The following OSBPL6 variants were observed in gnomAD, a reference collection of about 807,000 sequenced individuals.
OSBPL6 encodes oxysterol-binding protein-related protein 6.
Under a neutral mutation model 125.8 loss-of-function variants are expected in OSBPL6, and 49 were observed. The observed-to-expected ratio is 0.39, with a 90% CI of 0.31 to 0.49. The LOEUF is 0.49. Ranked by LOEUF, OSBPL6 falls within the 20% of genes least tolerant of loss-of-function variation. The pLI is 0.88. For synonymous variants in OSBPL6, 394 were observed against 391.8 expected, an observed-to-expected ratio of 1.01 and a Z score of -0.07; for missense variants, 986 against 1,135.4, an observed-to-expected ratio of 0.87 and a Z score of 1.89.
chr2:178,274,026 C>T (rs2092421798), intron 1 of OSBPL6, among the ~76,000 whole-genome samples: 1 of 152,120 alleles, frequency 6.6e-6, no homozygotes, highest in African/African-American at 2.4e-5. Flanking sequence ...TTACATTGGG[C>T]ACGTGGTAAG....
chr2:178,355,156 C>A (rs188554689), intron 12 of OSBPL6, among the ~76,000 whole-genome samples: 1 of 152,064 alleles, frequency 6.6e-6, no homozygotes. Flanking sequence ...AACCAACACC[C>A]TAACATCACA....
At chr2:178,378,571 A>T (rs1694107115) in intron 15 of OSBPL6, among the ~76,000 whole-genome samples, 3 of 152,204 alleles carry the variant, frequency 2.0e-5, no homozygotes, top group Admixed American at 2.0e-4. Context: ...GCCTGGTCAC[A>T]TTTAGGAAAA....
Position 178,394,455 on chromosome 2 carries a change from T to G in OSBPL6, c.2696+20T>G. On this transcript the variant is annotated intron_variant, in intron 24 of 24. Transcript: ENST00000190611. Reference sequence around the variant, plus strand: ...TTTTAAGTAAGTCAGTTAACTCCCATAGCAAGTTCATGTTTTGCAAATGGT... The same window carrying G: ...TTTTAAGTAAGTCAGTTAACTCCCAGAGCAAGTTCATGTTTTGCAAATGGT... 6.3e-7 allele frequency: 1 copy of G among 1,589,090 alleles called. No homozygotes were observed. The highest frequency in any genetic ancestry group is 8.5e-7 in the Non-Finnish European group (1 of 1,171,460).
At chr2:178,274,305 C>T (rs755169785) in intron 1 of OSBPL6, among the ~76,000 whole-genome samples, 1 of 146,470 alleles carries the variant, frequency 6.8e-6, no homozygotes, top group Middle Eastern at 3.5e-3. Context: ...TGGGCGAGGT[C>T]AATTTTTTTT....
chr2:178,348,751 G>T (rs1437775122), intron 11 of OSBPL6, among the ~76,000 whole-genome samples: 2 of 152,156 alleles, frequency 1.3e-5, no homozygotes, highest in Non-Finnish European at 2.9e-5. Flanking sequence ...AGCCTGATTT[G>T]TTTTTTATTT....
At chr2:178,293,762 A>C (rs188668113) in intron 2 of OSBPL6, among the ~76,000 whole-genome samples, 26 of 152,068 alleles carry the variant, frequency 1.7e-4, no homozygotes, top group African/African-American at 4.8e-4. Flanking sequence ...GTACCCATTA[A>C]TCATCCTCAC....
chr2:178,287,154 A>ATTT (rs1559203437), intron 2 of OSBPL6, among the ~76,000 whole-genome samples: 58 of 149,264 alleles, frequency 3.9e-4, no homozygotes, highest in African/African-American at 1.4e-3. Context: ...TTTTTTAAAA[A>ATTT]AAAAAAAAAA....
intron 1 of OSBPL6, among the ~76,000 whole-genome samples, chr2:178,226,932 T>G (rs2090589110): frequency 6.6e-6 from 1 of 152,208 alleles, no homozygotes; most frequent in Admixed American, 6.5e-5. Context: ...TTATTGAAAT[T>G]GTATGTTGTG....
At chr2:178,239,341 T>A (rs1244626141) in intron 1 of OSBPL6, among the ~76,000 whole-genome samples, 1 of 152,144 alleles carries the variant, frequency 6.6e-6, no homozygotes, top group Non-Finnish European at 1.5e-5. Flanking sequence ...TAACACTTCC[T>A]TGAGCCCAGG....
intron 2 of OSBPL6, among the ~76,000 whole-genome samples, chr2:178,299,065 A>G (rs76704031): frequency 0.034 from 5,158 of 152,332 alleles, 198 homozygotes; most frequent in East Asian, 0.18. Context: ...GCAGTCATTG[A>G]AACCATATTT....
intron 3 of OSBPL6, among the ~76,000 whole-genome samples, chr2:178,310,342 A>G (rs1559229952): frequency 1.3e-5 from 2 of 151,580 alleles, no homozygotes; most frequent in Admixed American, 1.3e-4. Context: ...GTAATATTTA[A>G]CTTACCAAGG....
At chr2:178,305,456 G>T (rs554804897) in intron 2 of OSBPL6, among the ~76,000 whole-genome samples, 45 of 152,338 alleles carry the variant, frequency 3.0e-4, no homozygotes, top group African/African-American at 1.1e-3. Context: ...ATCTGTAGAT[G>T]TTTGCGAGCA....
intron 1 of OSBPL6, among the ~76,000 whole-genome samples, chr2:178,231,290 G>A (rs914150739): frequency 1.1e-4 from 17 of 152,106 alleles, no homozygotes; most frequent in African/African-American, 4.1e-4. Context: ...ATGCAAATGG[G>A]CTTTCCACTT....
At chr2:178,328,219 G>T in intron 4 of OSBPL6, 37 bp from the exon 5 acceptor site, 1 of 1,611,790 alleles carries the variant, frequency 6.2e-7, no homozygotes, top group South Asian at 1.1e-5. Flanking sequence ...ATCAGGCACT[G>T]AGTAACATGT....
At chr2:178,228,248 A>G (rs1039868052) in intron 1 of OSBPL6, among the ~76,000 whole-genome samples, 13 of 152,242 alleles carry the variant, frequency 8.5e-5, no homozygotes, top group African/African-American at 2.9e-4. Flanking sequence ...TAAAAATTTA[A>G]GACACGGCCG....
chr2:178,221,316 T>A (rs334031), intron 1 of OSBPL6, among the ~76,000 whole-genome samples: 3,331 of 152,330 alleles, frequency 0.022, 117 homozygotes, highest in African/African-American at 0.076. Flanking sequence ...TATTGTCAGC[T>A]ATTTTAGTGT....
intron 13 of OSBPL6, 149 bp downstream of exon 13, chr2:178,361,964 A>G: frequency 1.0e-6 from 1 of 998,402 alleles, no homozygotes; most frequent in Non-Finnish European, 1.4e-6. Flanking sequence ...CAGTGTCAGT[A>G]TTAGATTTTA....
intron 12 of OSBPL6, among the ~76,000 whole-genome samples, chr2:178,352,356 T>G (rs903341612): frequency 1.3e-5 from 2 of 152,138 alleles, no homozygotes; most frequent in Non-Finnish European, 2.9e-5. Flanking sequence ...TGACAGACTG[T>G]ACCTGGAAAA....
intron 2 of OSBPL6, among the ~76,000 whole-genome samples, chr2:178,287,873 G>T (rs900300102): frequency 6.6e-6 from 1 of 152,016 alleles, no homozygotes; most frequent in Non-Finnish European, 1.5e-5. Context: ...ACTCCCTGAG[G>T]AAGTGACAAC....
Sources: gnomAD v4.1 joint callset for allele counts (sites outside exome capture counted in the v4.1 genomes callset) on GRCh38, gnomAD v4.1.1 for gene constraint, MANE v1.5 for transcripts, NCBI Gene and HGNC (gene_info 2026-07-23, HGNC 2026-07-21) for gene names.